Variants in SMIM17 observed in about 807,000 individuals in gnomAD.
The protein encoded by SMIM17 is small integral membrane protein 17.
A neutral mutation model predicts 12.2 loss-of-function variants in SMIM17; 10 were observed. That is an observed-to-expected ratio of 0.82 (90% confidence interval 0.50 to 1.39). SMIM17 has a LOEUF of 1.39. Ranked by LOEUF, SMIM17 falls within the 40% of genes most tolerant of loss-of-function variation. SMIM17 has a pLI of 0.00. For missense variants in SMIM17, 136 were observed against 118.2 expected, an observed-to-expected ratio of 1.15 and a Z score of -0.70; for synonymous variants, 50 against 44.1, an observed-to-expected ratio of 1.13 and a Z score of -0.53.
Position 56,655,409 on chromosome 19 carries a change from A to G in SMIM17, c.*196A>G. The G allele has an allele frequency of 2.1e-6, 1 of 471,150 alleles. No homozygotes were observed. The highest frequency in any genetic ancestry group is 3.7e-6 in the Non-Finnish European group (1 of 266,984). The allele number at this position is 471,150 out of a possible 1,614,324, so 29.2% of individuals were successfully genotyped here. ...TACTTTATTTCCATGAAATGAAGAC[A>G]TCATTGATTGTAAAACATTATTTTG... On this transcript the variant is annotated 3_prime_UTR_variant, in exon 4 of 4. Transcript: ENST00000598409.
intron 3 of SMIM17, among the ~76,000 whole-genome samples, chr19:56,649,659 G>T (rs2045094444): frequency 6.6e-6 from 1 of 152,124 alleles, no homozygotes; most frequent in East Asian, 1.9e-4. Flanking sequence ...TCTATGCAGA[G>T]GACACAGCAA....
rs1214437826 is a variant in SMIM17 at position 56,655,339 on chromosome 19, T to C, written c.*126T>C. 4.0e-6 allele frequency: 2 copies of C among 503,554 alleles called. No homozygotes were observed. The highest frequency in any genetic ancestry group is 7.1e-6 in the Non-Finnish European group (2 of 283,242). The allele number at this position is 503,554 out of a possible 1,614,324, so 31.2% of individuals were successfully genotyped here. ...AATATTTTCAAATGCCTTTCAAACATCCTTTGAGATGATTTTTAAAAAATT... is the reference window on the plus strand; with the variant it reads ...AATATTTTCAAATGCCTTTCAAACACCCTTTGAGATGATTTTTAAAAAATT... On this transcript the variant is annotated 3_prime_UTR_variant, in exon 4 of 4. Transcript: ENST00000598409.
intron 1 of SMIM17, among the ~76,000 whole-genome samples, chr19:56,645,151 CTGTG>C (rs1279421812): frequency 4.0e-5 from 6 of 151,540 alleles, no homozygotes; most frequent in African/African-American, 1.5e-4. Flanking sequence ...GTGTGTGTGA[CTGTG>C]AGTGTGTATG....
intron 3 of SMIM17, among the ~76,000 whole-genome samples, chr19:56,651,251 A>G (rs1478633223): frequency 2.6e-5 from 4 of 152,084 alleles, no homozygotes; most frequent in African/African-American, 9.7e-5. Context: ...AGGTTATGTG[A>G]CTTTCCCTTG....
At chr19:56,644,082 T>C (rs887361755) in intron 1 of SMIM17, among the ~76,000 whole-genome samples, 10 of 152,004 alleles carry the variant, frequency 6.6e-5, no homozygotes, top group African/African-American at 2.2e-4. Context: ...ATCCAGCTTC[T>C]CCTGACCTTG....
intron 3 of SMIM17, among the ~76,000 whole-genome samples, chr19:56,654,126 A>C (rs1471563113): frequency 1.3e-5 from 2 of 152,232 alleles, no homozygotes; most frequent in Non-Finnish European, 2.9e-5. Flanking sequence ...AGGCACTGGG[A>C]ATACAGTAGC....
intron 2 of SMIM17, 146 bp downstream of exon 2, chr19:56,645,982 C>G: frequency 1.1e-6 from 1 of 905,342 alleles, no homozygotes; most frequent in South Asian, 2.0e-5. Flanking sequence ...TGCTGTGTAA[C>G]AAGTCATCCC....
Position 56,647,560 on chromosome 19 carries a change from C to T in SMIM17, c.172C>T (p.Leu58=), listed in dbSNP as rs1304330740. ...ASSHDSDEKD[L]SSQETGLSQE... Reference sequence around the variant, plus strand: ...CCTCCACTCCCACCCTCACCCAGACCTGTCTTCTCAAGAGACTGGGCTTTC... The same window carrying T: ...CCTCCACTCCCACCCTCACCCAGACTTGTCTTCTCAAGAGACTGGGCTTTC... The change falls in exon 3 of 4, where the codon CTG becomes TTG. Residue 58 remains leucine (L), a splice_region_variant and synonymous_variant. Transcript: ENST00000598409. 6.5e-7 allele frequency: 1 copy of T among 1,535,662 alleles called. No individual in the cohort carries two copies. The highest frequency in any genetic ancestry group is 8.7e-7 in the Non-Finnish European group (1 of 1,146,644).
chr19:56,647,240 A>G (rs2045070127), intron 2 of SMIM17, among the ~76,000 whole-genome samples: 1 of 151,994 alleles, frequency 6.6e-6, no homozygotes, highest in East Asian at 1.9e-4. Context: ...GGGACTGAAG[A>G]CTCAAGTGGC....
intron 3 of SMIM17, among the ~76,000 whole-genome samples, chr19:56,649,083 A>C (rs4462709): frequency 0.67 from 102,246 of 152,114 alleles, 34,591 homozygotes; most frequent in East Asian, 0.88. Flanking sequence ...CAAAGGAAGA[A>C]GTTAACTGCA....
chr19:56,654,509 G>T (rs2045133693), intron 3 of SMIM17, among the ~76,000 whole-genome samples: 1 of 152,214 alleles, frequency 6.6e-6, no homozygotes, highest in Admixed American at 6.5e-5. Flanking sequence ...GAAGGGAAGG[G>T]AAATGGTCAG....
chr19:56,649,915 C>G (rs766041699), intron 3 of SMIM17, among the ~76,000 whole-genome samples: 1 of 152,042 alleles, frequency 6.6e-6, no homozygotes, highest in Non-Finnish European at 1.5e-5. Flanking sequence ...CAGGACTCCT[C>G]TCACTGCTAA....
At chr19:56,649,624 T>G (rs2045094072) in intron 3 of SMIM17, among the ~76,000 whole-genome samples, 1 of 152,094 alleles carries the variant, frequency 6.6e-6, no homozygotes, top group African/African-American at 2.4e-5. Context: ...GGAGTGAGAC[T>G]GGCAGATGTC....
chr19:56,644,717 G>T (rs1215869749), intron 1 of SMIM17, among the ~76,000 whole-genome samples: 1 of 152,178 alleles, frequency 6.6e-6, no homozygotes, highest in Non-Finnish European at 1.5e-5. Context: ...GTATTTCTCT[G>T]GACCTATATT....
chr19:56,655,364 T>G lies in SMIM17; in HGVS notation c.*151T>G, dbSNP rs574027005. On this transcript the variant is annotated 3_prime_UTR_variant, in exon 4 of 4. Transcript: ENST00000598409. ...TCCTTTGAGATGATTTTTAAAAAATTTTTGGTGTGAGTTTTCACATACTTT... is the reference window on the plus strand; with the variant it reads ...TCCTTTGAGATGATTTTTAAAAAATGTTTGGTGTGAGTTTTCACATACTTT... The G allele has an allele frequency of 2.0e-6, 1 of 501,916 alleles. No homozygotes were observed. Among genetic ancestry groups the G allele is most frequent in the Non-Finnish European group, 3.5e-6 (1 of 283,390 alleles). The allele number at this position is 501,916 out of a possible 1,614,324, so 31.1% of individuals were successfully genotyped here.
Position 56,647,431 on chromosome 19 carries a change from G to GAGAGAGAGAGAGAGAGAGAGAGAGAGAC in SMIM17, c.170-107_170-106insAGAGAGACAGAGAGAGAGAGAGAGAGAG. 1.6e-5 allele frequency: 6 copies of GAGAGAGAGAGAGAGAGAGAGAGAGAGAC among 381,608 alleles called. No homozygotes were observed. In the African/African-American group the frequency reaches 2.2e-4, roughly 14 times the overall value. 23.6% of individuals were successfully genotyped at this position (381,608 alleles called of 1,614,324 possible). ...AGAGAGAAGGAGGGTGAGAGAGAGA[G>GAGAGAGAGAGAGAGAGAGAGAGAGAGAC]AGAGAGAGAGAGAGAGAGAGGAGGC... On this transcript the variant is annotated intron_variant, in intron 2 of 3. Coordinates refer to ENST00000598409, the MANE Select transcript of SMIM17 (RefSeq NM_001193628.2).
Position 56,657,075 on chromosome 19 carries a change from G to T in SMIM17, c.*1862G>T, listed in dbSNP as rs766139919. 8.1e-4 allele frequency among the ~76,000 whole-genome samples: 122 copies of T among 151,342 alleles called. 1 individual carries two copies. The highest frequency in any genetic ancestry group is 1.2e-3 in the Admixed American group (19 of 15,264). On this transcript the variant is annotated 3_prime_UTR_variant, in exon 4 of 4. Coordinates refer to ENST00000598409, the MANE Select transcript of SMIM17 (RefSeq NM_001193628.2). Reference sequence around the variant, plus strand: ...TATGTGAAACTTTGTTAGTACAATTGTTTTTGCTAATAAATTTTTATAATC... The same window carrying T: ...TATGTGAAACTTTGTTAGTACAATTTTTTTTGCTAATAAATTTTTATAATC...
At chr19:56,651,004 C>T (rs1398609628) in intron 3 of SMIM17, among the ~76,000 whole-genome samples, 2 of 152,086 alleles carry the variant, frequency 1.3e-5, no homozygotes, top group African/African-American at 2.4e-5. Context: ...ATTGGCAGGC[C>T]CTGGGTCAGT....
chr19:56,653,662 C>A (rs6510007), intron 3 of SMIM17, among the ~76,000 whole-genome samples: 88,319 of 151,952 alleles, frequency 0.58, 25,907 homozygotes, highest in East Asian at 0.73. Flanking sequence ...TATTCAAAAA[C>A]CTCTCCCAAC....
Sources: allele counts gnomAD v4.1 joint callset (sites outside exome capture counted in the v4.1 genomes callset), GRCh38; gene constraint gnomAD v4.1.1; transcripts MANE v1.5; gene names NCBI Gene and HGNC (gene_info 2026-07-23, HGNC 2026-07-21).